The following IGF2BP3 variants were observed in gnomAD, a reference collection of about 807,000 sequenced individuals.
IGF2BP3 encodes insulin like growth factor 2 mRNA binding protein 3.
In IGF2BP3, 9 loss-of-function variants were observed where a neutral mutation model predicts 73.8. That is an observed-to-expected ratio of 0.12 (90% CI 0.07 to 0.21). The LOEUF is 0.21. Ranked by LOEUF, IGF2BP3 falls within the 10% of genes least tolerant of loss-of-function variation. The pLI is 1.00. For missense variants in IGF2BP3, 542 were observed against 714.0 expected, an observed-to-expected ratio of 0.76 and a Z score of 2.75; for synonymous variants, 258 against 256.7, an observed-to-expected ratio of 1.01 and a Z score of -0.05.
chr7:23,387,844 G>T (rs1049935988), intron 3 of IGF2BP3, among the ~76,000 whole-genome samples: 43 of 152,200 alleles, frequency 2.8e-4, no homozygotes, highest in African/African-American at 9.9e-4. Context: ...AGCAATTTTA[G>T]AATGGCTAAT....
chr7:23,323,063 AC>A (rs1310988227), intron 10 of IGF2BP3, among the ~76,000 whole-genome samples: 111 of 152,306 alleles, frequency 7.3e-4, no homozygotes, highest in Non-Finnish European at 3.2e-4. Context: ...TCAAATTCAC[AC>A]ATAACAATAT....
chr7:23,321,895 G>A (rs1439384204), intron 10 of IGF2BP3, among the ~76,000 whole-genome samples: 6 of 152,236 alleles, frequency 3.9e-5, no homozygotes, highest in South Asian at 2.1e-4. Context: ...ACAAACAGAA[G>A]GGACATCCAC....
Position 23,439,397 on chromosome 7 carries a change from A to AC in IGF2BP3, c.237-20574_237-20573insG, listed in dbSNP as rs1165421779. 6.9e-3 allele frequency among the ~76,000 whole-genome samples: 979 copies of AC among 141,358 alleles called. 13 individuals are homozygous for AC. The highest frequency in any genetic ancestry group is 0.023 in the African/African-American group (872 of 37,144). 92.7% of individuals were successfully genotyped at this position (141,358 alleles called of 152,430 possible). ...GTGAAACCCCACCTACTAAAAATAC[A>AC]AAAAAAAAAAAATTAGCCGGGTGTG... On this transcript the variant is annotated intron_variant, in intron 2 of 14. Transcript: ENST00000258729.
chr7:23,356,378 T>G (rs1362209069), intron 5 of IGF2BP3, among the ~76,000 whole-genome samples: 2 of 150,948 alleles, frequency 1.3e-5, no homozygotes, highest in Non-Finnish European at 1.5e-5. Flanking sequence ...GGCAACACAG[T>G]GAGACCCTGC....
At chr7:23,463,469 C>T (rs1781047289) in intron 2 of IGF2BP3, among the ~76,000 whole-genome samples, 1 of 152,194 alleles carries the variant, frequency 6.6e-6, no homozygotes, top group Admixed American at 6.5e-5. Context: ...AGGAAAAACC[C>T]CAGATCTCTG....
chr7:23,418,944 T>G, intron 2 of IGF2BP3, 120 bp from the exon 3 acceptor site: 1 of 631,900 alleles, frequency 1.6e-6, no homozygotes, highest in Non-Finnish European at 2.7e-6. Context: ...CAAACCAATA[T>G]CTATTAAGAA....
At chr7:23,324,612 C>G (rs1784242991) in intron 10 of IGF2BP3, among the ~76,000 whole-genome samples, 1 of 94,538 alleles carries the variant, frequency 1.1e-5, no homozygotes, top group Non-Finnish European at 2.0e-5. Context: ...GGCAGAGACA[C>G]AACCAAAAAA....
At chr7:23,392,464 A>T (rs1422831150) in intron 3 of IGF2BP3, among the ~76,000 whole-genome samples, 2 of 150,554 alleles carry the variant, frequency 1.3e-5, no homozygotes, top group Non-Finnish European at 1.5e-5. Flanking sequence ...ACACACACAC[A>T]TATATATGTA....
chr7:23,332,963 A>G (rs1340804292), intron 10 of IGF2BP3, among the ~76,000 whole-genome samples: 4 of 152,260 alleles, frequency 2.6e-5, no homozygotes, highest in African/African-American at 9.6e-5. Context: ...TGGTGGTGAT[A>G]AAGACCTTTT....
At chr7:23,430,526 A>C (rs1220408567) in intron 2 of IGF2BP3, among the ~76,000 whole-genome samples, 1 of 152,238 alleles carries the variant, frequency 6.6e-6, no homozygotes, top group Non-Finnish European at 1.5e-5. Context: ...TTTTCATTCC[A>C]GCTGTGCCGA....
chr7:23,322,178 G>C (rs887670014), intron 10 of IGF2BP3, among the ~76,000 whole-genome samples: 1 of 152,098 alleles, frequency 6.6e-6, no homozygotes, highest in South Asian at 2.1e-4. Context: ...TTTGAAAAAA[G>C]TTTAGAAGAA....
intron 3 of IGF2BP3, among the ~76,000 whole-genome samples, chr7:23,366,220 G>A (rs571825757): frequency 3.3e-5 from 5 of 151,154 alleles, no homozygotes; most frequent in South Asian, 2.1e-4. Flanking sequence ...TCACTGCAAC[G>A]TCTGCCTCCC....
chr7:23,452,515 T>C (rs910750456), intron 2 of IGF2BP3, among the ~76,000 whole-genome samples: 24 of 152,070 alleles, frequency 1.6e-4, no homozygotes. Flanking sequence ...CTTTAAAACA[T>C]GGGTTCCCCC....
chr7:23,345,252 A>G (rs945207540), intron 8 of IGF2BP3, among the ~76,000 whole-genome samples: 5 of 152,256 alleles, frequency 3.3e-5, no homozygotes, highest in African/African-American at 1.2e-4. Flanking sequence ...ACAGATTCTA[A>G]GTGTGGTAGC....
intron 2 of IGF2BP3, among the ~76,000 whole-genome samples, chr7:23,461,629 T>C (rs905972631): frequency 1.3e-5 from 2 of 152,186 alleles, no homozygotes; most frequent in African/African-American, 4.8e-5. Context: ...CTTACAGCTA[T>C]ACAGAGAATA....
chr7:23,406,703 T>C (rs1786842834), intron 3 of IGF2BP3, among the ~76,000 whole-genome samples: 1 of 152,188 alleles, frequency 6.6e-6, no homozygotes, highest in African/African-American at 2.4e-5. Context: ...GGCCAACTTT[T>C]ATTCCCTTAT....
chr7:23,467,389 C>T (rs765663701), intron 2 of IGF2BP3, among the ~76,000 whole-genome samples: 10 of 152,138 alleles, frequency 6.6e-5, no homozygotes, highest in Non-Finnish European at 1.0e-4. Flanking sequence ...TACACGCAGC[C>T]CTGATTTAAA....
chr7:23,384,262 G>A (rs1016198993), intron 3 of IGF2BP3, among the ~76,000 whole-genome samples: 3 of 152,020 alleles, frequency 2.0e-5, no homozygotes, highest in Non-Finnish European at 4.4e-5. Flanking sequence ...AAGATTAGCA[G>A]ATGCTTAGGA....
intron 2 of IGF2BP3, among the ~76,000 whole-genome samples, chr7:23,449,334 G>A (rs960589185): frequency 6.6e-6 from 1 of 151,608 alleles, no homozygotes; most frequent in East Asian, 2.0e-4. Flanking sequence ...TGGCTAACAC[G>A]GTGAAACCCC....
Sources: allele counts gnomAD v4.1 joint callset (sites outside exome capture counted in the v4.1 genomes callset), GRCh38; gene constraint gnomAD v4.1.1; transcripts MANE v1.5; gene names NCBI Gene and HGNC (gene_info 2026-07-23, HGNC 2026-07-21).